GUCY1A2: variants seen among roughly 807,000 people sequenced by gnomAD.
GUCY1A2 encodes guanylate cyclase 1 soluble subunit alpha 2, also known as guanylate cyclase soluble subunit alpha-2.
In GUCY1A2, 27 loss-of-function variants were observed where a neutral mutation model predicts 63.5. The ratio of observed to expected loss-of-function variants is 0.43; its 90% CI spans 0.31 to 0.59. The LOEUF is 0.59. Ranked by LOEUF, GUCY1A2 falls within the 20% of genes least tolerant of loss-of-function variation. GUCY1A2 has a pLI of 0.11. For missense variants in GUCY1A2, 768 were observed against 913.3 expected (o/e 0.84, Z 2.05); for synonymous variants, 364 against 343.5 (o/e 1.06, Z -0.66).
At chr11:106,918,678 A>G (rs1430274996) in intron 4 of GUCY1A2, among the ~76,000 whole-genome samples, 3 of 145,694 alleles carry the variant, frequency 2.1e-5, no homozygotes, top group African/African-American at 7.3e-5. Context: ...CTATTAGATC[A>G]CTTACCCAGG....
chr11:106,737,686 A>G (rs1217901296), intron 6 of GUCY1A2, among the ~76,000 whole-genome samples: 1 of 152,100 alleles, frequency 6.6e-6, no homozygotes, highest in Non-Finnish European at 1.5e-5. Context: ...GCTGAGAATG[A>G]TGGTTTCCAG....
intron 4 of GUCY1A2, among the ~76,000 whole-genome samples, chr11:106,812,450 T>C (rs191668221): frequency 6.6e-6 from 1 of 151,864 alleles, no homozygotes; most frequent in East Asian, 1.9e-4. Context: ...CTCTTCTTCA[T>C]CGCTTGGACT....
At chr11:106,910,566 C>A (rs7103285) in intron 4 of GUCY1A2, among the ~76,000 whole-genome samples, 23,237 of 151,948 alleles carry the variant, frequency 0.15, 2,154 homozygotes, top group South Asian at 0.28. Context: ...AATTCATTCC[C>A]CGCTTCTTTC....
In GUCY1A2 at chr11:106,706,196, A is replaced by AAGAT. The variant is rs537437478; in HGVS notation, c.1991+2312_1991+2315dup. The stretch of plus-strand genomic sequence containing the variant: ...AGTTTATAATAATCATATAGTTTTC[A>AAGAT]AGATAAACAGGTAATGTTGGACATT... On this transcript the variant is annotated intron_variant, in intron 7 of 7. Coordinates refer to ENST00000526355, the MANE Select transcript of GUCY1A2 (RefSeq NM_000855.3). 3.9e-3 allele frequency among the ~76,000 whole-genome samples: 594 copies of AAGAT among 152,324 alleles called. 11 individuals are homozygous for AAGAT. The highest frequency in any genetic ancestry group is 9.5e-3 in the South Asian group (46 of 4,828).
chr11:106,979,913 G>A (rs994021713), intron 2 of GUCY1A2, among the ~76,000 whole-genome samples: 17 of 152,208 alleles, frequency 1.1e-4, no homozygotes, highest in African/African-American at 3.9e-4. Context: ...TAGGAAGAGA[G>A]TGCTATGGTA....
chr11:106,703,085 T>A (rs553227254), intron 7 of GUCY1A2, among the ~76,000 whole-genome samples: 92 of 152,286 alleles, frequency 6.0e-4, no homozygotes, highest in African/African-American at 2.1e-3. Context: ...AAGATTAGAC[T>A]GGTTTAGTCT....
At chr11:106,761,223 C>A (rs773338125) in intron 6 of GUCY1A2, among the ~76,000 whole-genome samples, 2 of 152,078 alleles carry the variant, frequency 1.3e-5, no homozygotes, top group African/African-American at 4.8e-5. Context: ...TTTTTGATAT[C>A]TTTTTATCAT....
chr11:106,947,586 C>T (rs1453436129), intron 3 of GUCY1A2, among the ~76,000 whole-genome samples: 1 of 151,768 alleles, frequency 6.6e-6, no homozygotes, highest in Admixed American at 6.6e-5. Context: ...TGTAAAATTA[C>T]AAAAATTGCT....
intron 4 of GUCY1A2, among the ~76,000 whole-genome samples, chr11:106,847,230 TC>T (rs1300618927): frequency 1.4e-5 from 1 of 70,492 alleles, no homozygotes; most frequent in Non-Finnish European, 3.5e-5. Flanking sequence ...ATTGCAAAAC[TC>T]AAAAAAAAAA....
intron 5 of GUCY1A2, among the ~76,000 whole-genome samples, chr11:106,790,662 C>T (rs536869891): frequency 2.0e-5 from 3 of 152,174 alleles, no homozygotes; most frequent in South Asian, 4.2e-4. Context: ...AGCTGGGTAT[C>T]GCTGGTGGTT....
intron 5 of GUCY1A2, among the ~76,000 whole-genome samples, chr11:106,790,330 A>G (rs1864636138): frequency 6.6e-6 from 1 of 152,108 alleles, no homozygotes; most frequent in African/African-American, 2.4e-5. Flanking sequence ...TTAAGGCCCA[A>G]GGGCTCTTCA....
chr11:106,819,228 A>C (rs1858869506), intron 4 of GUCY1A2, among the ~76,000 whole-genome samples: 1 of 152,168 alleles, frequency 6.6e-6, no homozygotes, highest in African/African-American at 2.4e-5. Flanking sequence ...CCTGCTGAAG[A>C]CTCAGTGAAC....
intron 4 of GUCY1A2, among the ~76,000 whole-genome samples, chr11:106,911,125 C>T (rs1043204734): frequency 2.0e-5 from 3 of 151,906 alleles, no homozygotes; most frequent in African/African-American, 7.2e-5. Context: ...AGAAGAAAAA[C>T]AAACTCTTAG....
At chr11:106,820,286 C>T (rs140203901) in intron 4 of GUCY1A2, among the ~76,000 whole-genome samples, 45 of 152,214 alleles carry the variant, frequency 3.0e-4, no homozygotes, top group African/African-American at 1.1e-3. Flanking sequence ...TACTTAATAT[C>T]TAAAACCTAC....
chr11:106,883,654 T>A (rs1378505191), intron 4 of GUCY1A2, among the ~76,000 whole-genome samples: 1 of 152,168 alleles, frequency 6.6e-6, no homozygotes, highest in Non-Finnish European at 1.5e-5. Flanking sequence ...GGCTTGTATA[T>A]GCTATTCTTA....
At chr11:107,010,020 T>G (rs1352566852) in intron 1 of GUCY1A2, among the ~76,000 whole-genome samples, 1 of 152,206 alleles carries the variant, frequency 6.6e-6, no homozygotes, top group African/African-American at 2.4e-5. Flanking sequence ...GTATGTCTTG[T>G]GTTCAATGAA....
chr11:107,003,924 T>A (rs919117734), intron 1 of GUCY1A2, among the ~76,000 whole-genome samples: 2 of 152,158 alleles, frequency 1.3e-5, no homozygotes, highest in Non-Finnish European at 2.9e-5. Flanking sequence ...TGGACTATGA[T>A]GAAGACTCAA....
At chr11:106,753,211 G>C (rs773018053) in intron 6 of GUCY1A2, among the ~76,000 whole-genome samples, 17 of 152,224 alleles carry the variant, frequency 1.1e-4, no homozygotes, top group South Asian at 4.1e-4. Context: ...TTTTGATGGG[G>C]TTGTTTGTAT....
intron 4 of GUCY1A2, among the ~76,000 whole-genome samples, chr11:106,895,376 T>A (rs1860032582): frequency 1.3e-5 from 2 of 152,232 alleles, no homozygotes; most frequent in Admixed American, 1.3e-4. Context: ...AGAATACTTG[T>A]GATATGGTTT....
Sources: allele counts gnomAD v4.1 joint callset (sites outside exome capture counted in the v4.1 genomes callset), GRCh38; gene constraint gnomAD v4.1.1; transcripts MANE v1.5; gene names NCBI Gene and HGNC (gene_info 2026-07-23, HGNC 2026-07-21).